The following GTF3C1 variants were observed in gnomAD, a reference collection of about 807,000 sequenced individuals.
The protein encoded by GTF3C1 is general transcription factor IIIC subunit 1.
GTF3C1 carries 57 observed loss-of-function variants against 226.7 expected under a neutral mutation model. The observed-to-expected ratio is 0.25, with a 90% confidence interval of 0.20 to 0.31. The LOEUF (loss-of-function observed/expected upper bound fraction) is 0.31. GTF3C1 is among the 10% of genes least tolerant of loss of function. GTF3C1 has a pLI of 1.00. For missense variants in GTF3C1, 2,217 were observed against 2,776.1 expected, an observed-to-expected ratio of 0.80 and a Z score of 4.53; for synonymous variants, 1,090 against 1,084.8, an observed-to-expected ratio of 1.00 and a Z score of -0.09.
At chr16:27,516,479 C>A (rs988081071) in intron 6 of GTF3C1, among the ~76,000 whole-genome samples, 2 of 152,218 alleles carry the variant, frequency 1.3e-5, no homozygotes, top group African/African-American at 4.8e-5. Flanking sequence ...CCCCACAGGG[C>A]ATAGCTGATT....
intron 20 of GTF3C1, 130 bp from the exon 21 acceptor site, chr16:27,489,308 G>A (rs1207091829): frequency 9.9e-7 from 1 of 1,007,642 alleles, no homozygotes; most frequent in Non-Finnish European, 1.4e-6. Context: ...CCCACAGGTA[G>A]CAATGAAGAA....
chr16:27,488,135 C>CA lies in GTF3C1; in HGVS notation c.3700+91dup, dbSNP rs2088171240. ...GAAGGCGGAAACCCGTGCTGAAGGG[C>CA]AGAGCTCAGGCCTGGCTGGAGTGAG... On this transcript the variant is annotated intron_variant, in intron 23 of 36. Coordinates refer to ENST00000356183, the MANE Select transcript of GTF3C1 (RefSeq NM_001520.4). The CA allele has an allele frequency of 9.1e-6, 10 of 1,102,498 alleles. No individual in the cohort carries two copies. In the East Asian group the frequency reaches 2.4e-4, roughly 26 times the overall value. 68.3% of individuals were successfully genotyped at this position (1,102,498 alleles called of 1,614,324 possible). A position where few individuals can be genotyped will look rare whatever the true frequency, so the allele number is the denominator to read the frequency against.
chr16:27,513,034 G>A (rs2088600584), intron 6 of GTF3C1, among the ~76,000 whole-genome samples: 1 of 152,212 alleles, frequency 6.6e-6, no homozygotes, highest in South Asian at 2.1e-4. Flanking sequence ...CATGGCCAAA[G>A]GGACTTGGCA....
At chr16:27,530,121 C>G (rs565427933) in intron 5 of GTF3C1, among the ~76,000 whole-genome samples, 19 of 152,278 alleles carry the variant, frequency 1.2e-4, no homozygotes, top group Admixed American at 8.5e-4. Flanking sequence ...CTCTTACATT[C>G]TGGGGGGAGA....
chr16:27,500,761 C>T (rs1195526545), intron 12 of GTF3C1, among the ~76,000 whole-genome samples: 1 of 152,226 alleles, frequency 6.6e-6, no homozygotes, highest in African/African-American at 2.4e-5. Context: ...TGTACTGCTC[C>T]CATCGGATAA....
chr16:27,484,298 A>G lies in GTF3C1; in HGVS notation c.3914T>C (p.Phe1305Ser). ...QVVRDILHAT[F>S]EESLDKTSHS... ...AGATGTTTTATCCAAAGACTCTTCA[A>G]ACGTGGCATGCAAAATGTCCCGTAC... The change falls in exon 25 of 37, where the codon TTT (phenylalanine) becomes TCT (serine). Residue 1305 changes from phenylalanine (F) to serine (S), a missense_variant. By Grantham distance (155) the Phe-to-Ser change is radical. Coordinates refer to ENST00000356183, the MANE Select transcript of GTF3C1 (RefSeq NM_001520.4). 6.2e-7 allele frequency: 1 copy of G among 1,608,028 alleles called. No individual in the cohort carries two copies. The highest frequency in any genetic ancestry group is 8.5e-7 in the Non-Finnish European group (1 of 1,174,434).
chr16:27,489,002 G>A (rs142029512), intron 21 of GTF3C1, 41 bp downstream of exon 21: 19 of 1,591,542 alleles, frequency 1.2e-5, no homozygotes, highest in African/African-American at 5.4e-5. Context: ...GGTGAGTAGC[G>A]AGGACCCCTG....
rs780742505 is a variant in GTF3C1 at position 27,541,438 on chromosome 16, G to A, written c.432-3082C>T. On this transcript the variant is annotated intron_variant, in intron 2 of 36. Transcript: ENST00000356183. ...CTTCAAACATGTATTTCTAGAAGCC[G>A]GCTTTGTGCCAGGCATATTATTATA... 3.2e-4 allele frequency among the ~76,000 whole-genome samples: 48 copies of A among 152,344 alleles called. 1 individual carries two copies. The highest frequency in any genetic ancestry group is 6.8e-3 in the Middle Eastern group (2 of 294).
In GTF3C1 at chr16:27,471,575, T is replaced by A; in HGVS notation, c.4526+173A>T. On this transcript the variant is annotated intron_variant, in intron 30 of 36. Transcript: ENST00000356183. The surrounding 1 kb of genome is among the most constrained non-coding windows in gnomAD (Gnocchi z 5.0). ...GCTGCCAGCGCTCACCTGATCCCCA[T>A]ACCACGAAGGAGGTAAGGGGCTGCA... 1 of 594,148 alleles carries A rather than the reference T, an allele frequency of 1.7e-6. No individual in the cohort carries two copies. Among genetic ancestry groups the A allele is most frequent in the Non-Finnish European group, 3.0e-6 (1 of 332,626 alleles). The allele number at this position is 594,148 out of a possible 1,614,324, so 36.8% of individuals were successfully genotyped here.
intron 5 of GTF3C1, among the ~76,000 whole-genome samples, chr16:27,530,755 C>A (rs1332388317): frequency 6.6e-6 from 1 of 152,176 alleles, no homozygotes; most frequent in Non-Finnish European, 1.5e-5. Context: ...ATTTACTGAG[C>A]CTCTACAGGG....
At chr16:27,473,346 T>C (rs1357129543) in intron 29 of GTF3C1, among the ~76,000 whole-genome samples, 4 of 152,254 alleles carry the variant, frequency 2.6e-5, no homozygotes, top group Admixed American at 6.5e-5. Context: ...CAAAGGACTG[T>C]GCAGTCAGCA....
intron 6 of GTF3C1, among the ~76,000 whole-genome samples, chr16:27,528,229 C>T (rs564483153): frequency 7.2e-5 from 11 of 151,988 alleles, no homozygotes; most frequent in South Asian, 6.2e-4. Flanking sequence ...GAGCAGAGAT[C>T]GCACCACTGC....
At chr16:27,486,698 A>AT (rs1222892425) in intron 23 of GTF3C1, among the ~76,000 whole-genome samples, 1 of 152,230 alleles carries the variant, frequency 6.6e-6, no homozygotes, top group Admixed American at 6.5e-5. Flanking sequence ...TGGCTACTAA[A>AT]TAACTAACAT....
In GTF3C1 at chr16:27,464,068, C is replaced by A. The variant is rs148696464; in HGVS notation, c.5872+252G>T. The stretch of plus-strand genomic sequence containing the variant: ...CAGCCGCTGCAGTGCACACGCTGGC[C>A]CCACCGCCTGAGCTCCTGCTCTGGA... On this transcript the variant is annotated intron_variant, in intron 34 of 36. Coordinates refer to ENST00000356183, the MANE Select transcript of GTF3C1 (RefSeq NM_001520.4). 1,450 of 441,284 alleles carry A rather than the reference C, an allele frequency of 3.3e-3. 20 individuals are homozygous for A. Among genetic ancestry groups the A allele is most frequent in the African/African-American group, 0.027 (1,341 of 48,882 alleles). The allele number at this position is 441,284 out of a possible 1,614,324, so 27.3% of individuals were successfully genotyped here. A position where few individuals can be genotyped will look rare whatever the true frequency, so the allele number is the denominator to read the frequency against.
At chr16:27,476,001 G>C (rs1219483182) in intron 29 of GTF3C1, among the ~76,000 whole-genome samples, 1 of 152,174 alleles carries the variant, frequency 6.6e-6, no homozygotes, top group African/African-American at 2.4e-5. Context: ...AGACTAAAGA[G>C]AGAGATGAGG....
At chr16:27,515,422 C>G (rs1245036119) in intron 6 of GTF3C1, among the ~76,000 whole-genome samples, 1 of 151,662 alleles carries the variant, frequency 6.6e-6, no homozygotes, top group African/African-American at 2.4e-5. Flanking sequence ...GCACTCCAGC[C>G]TGGGCAAGAG....
rs990170857 is a variant in GTF3C1 at position 27,494,846 on chromosome 16, C to T, written c.2695G>A (p.Gly899Ser). The change falls in exon 16 of 37, where the codon GGC becomes AGC. Residue 899 changes from glycine to serine, a missense_variant. Physicochemically the swap from Gly to Ser is moderately conservative, Grantham distance 56. This residue lies in a region of GTF3C1 where 353 missense variants were observed against 411.7 expected (regional missense o/e 0.86). Transcript: ENST00000356183. ...IPPIPVHRDF[G>S]FGWALVSDIL... ...TCGCTGACGAGAGCCCAGCCAAAGC[C>T]GAAGTCCCTGTGGACTGGGATTGGG... 1.1e-5 allele frequency: 17 copies of T among 1,612,968 alleles called. No individual in the cohort carries two copies. Among genetic ancestry groups the T allele is most frequent in the African/African-American group, 2.7e-5 (2 of 75,014 alleles).
chr16:27,520,084 G>A (rs183928506), intron 6 of GTF3C1, among the ~76,000 whole-genome samples: 14 of 152,276 alleles, frequency 9.2e-5, no homozygotes, highest in Admixed American at 3.9e-4. Flanking sequence ...CTGCACTCTG[G>A]CCTGGGTGAG....
At chr16:27,538,406 G>A in intron 2 of GTF3C1, 50 bp from the exon 3 acceptor site, 1 of 1,100,580 alleles carries the variant, frequency 9.1e-7, no homozygotes, top group Non-Finnish European at 1.3e-6. Context: ...CTGATTTTAG[G>A]AAAACTGAGA....
Sources: gnomAD v4.1 joint callset for allele counts (sites outside exome capture counted in the v4.1 genomes callset) on GRCh38, gnomAD v4.1.1 for gene constraint, gnomAD v4.1.1 regional missense constraint, Gnocchi (gnomAD v3.1) non-coding constraint, MANE v1.5 for transcripts, NCBI Gene and HGNC (gene_info 2026-07-23, HGNC 2026-07-21) for gene names.